Variants in SLC35F3 observed in about 807,000 individuals in gnomAD.
SLC35F3 encodes the protein solute carrier family 35 member F3, also known as putative thiamine transporter SLC35F3.
SLC35F3 carries 25 observed loss-of-function variants against 49.9 expected under a neutral mutation model. That is an observed-to-expected ratio of 0.50 (90% CI 0.37 to 0.70). The LOEUF is 0.70. SLC35F3 is among the 30% of genes least tolerant of loss of function. The pLI, the probability that SLC35F3 is intolerant of heterozygous loss-of-function variation, is 0.00. For missense variants in SLC35F3, 525 were observed against 639.8 expected (o/e 0.82, Z 1.94); for synonymous variants, 275 against 265.4 (o/e 1.04, Z -0.35).
In SLC35F3 at chr1:234,300,212, TG is replaced by T. The variant is rs368064063; in HGVS notation, c.609-8884del. Among the ~76,000 whole-genome samples, 723 of 152,304 alleles carry T rather than the reference TG, an allele frequency of 4.7e-3. 6 individuals are homozygous for T. The highest frequency in any genetic ancestry group is 0.015 in the African/African-American group (637 of 41,548). ...CTGACGAACAGAAACGCAGTGCTAC[TG>T]GGGGAAAACTAGTCAAGATTTGTAA... On this transcript the variant is annotated intron_variant, in intron 3 of 7. Transcript: ENST00000366618.
Position 233,904,950 on chromosome 1 carries a change from C to A in SLC35F3, c.-128C>A. ...GCGCGCACAAAGCGGCCCGGGGCGG[C>A]CGGCGCGGCGCAGACCCTCGGTGGG... On this transcript the variant is annotated 5_prime_UTR_variant, in exon 1 of 8. Transcript: ENST00000366618. The A allele has an allele frequency of 1.9e-6, 2 of 1,074,976 alleles. No individual in the cohort carries two copies. Among genetic ancestry groups the A allele is most frequent in the Non-Finnish European group, 2.6e-6 (2 of 778,594 alleles). 66.6% of individuals were successfully genotyped at this position (1,074,976 alleles called of 1,614,324 possible).
chr1:234,143,487 A>G (rs1386583162), intron 2 of SLC35F3, among the ~76,000 whole-genome samples: 1 of 151,704 alleles, frequency 6.6e-6, no homozygotes, highest in Non-Finnish European at 1.5e-5. Flanking sequence ...ACGGGGATTC[A>G]CCAAATTGGC....
intron 2 of SLC35F3, among the ~76,000 whole-genome samples, chr1:234,147,835 G>A (rs1666020510): frequency 6.6e-6 from 1 of 152,170 alleles, no homozygotes; most frequent in Non-Finnish European, 1.5e-5. Flanking sequence ...ACAGAGTGCT[G>A]GGTTCCACCC....
At chr1:234,160,467 A>G (rs1179358808) in intron 2 of SLC35F3, among the ~76,000 whole-genome samples, 1 of 152,180 alleles carries the variant, frequency 6.6e-6, no homozygotes, top group Non-Finnish European at 1.5e-5. Flanking sequence ...ACCTCTGTCC[A>G]GGGAGAACCT....
chr1:233,934,574 T>G (rs1662294912), intron 2 of SLC35F3, among the ~76,000 whole-genome samples: 1 of 152,182 alleles, frequency 6.6e-6, no homozygotes, highest in Non-Finnish European at 1.5e-5. Flanking sequence ...ATACACTTCT[T>G]GTTGAAGTAA....
Position 234,214,601 on chromosome 1 carries a change from G to A in SLC35F3, c.284-16816G>A. 13 of 1,521,420 alleles carry A rather than the reference G, an allele frequency of 8.5e-6. No homozygotes were observed. The highest frequency in any genetic ancestry group is 1.1e-5 in the Non-Finnish European group (13 of 1,134,728). 94.2% of individuals were successfully genotyped at this position (1,521,420 alleles called of 1,614,324 possible). On this transcript the variant is annotated intron_variant, in intron 2 of 7. Transcript: ENST00000366618. This position sits in a 1 kb window ranked among gnomAD's most constrained non-coding sequence, Gnocchi z 8.0. The stretch of plus-strand genomic sequence containing the variant: ...TAATGCGCGGCCGCCTCGCCCCGGG[G>A]GTCCCTGCACCCTAGCCGGGGAATG...
intron 2 of SLC35F3, among the ~76,000 whole-genome samples, chr1:234,066,834 A>T (rs879647062): frequency 0.31 from 11,787 of 37,480 alleles, 850 homozygotes; most frequent in East Asian, 0.48. Context: ...TCTCTCCCAC[A>T]CACACACACA....
intron 2 of SLC35F3, among the ~76,000 whole-genome samples, chr1:234,219,420 T>C (rs542622456): frequency 1.3e-5 from 2 of 152,202 alleles, no homozygotes; most frequent in Admixed American, 1.3e-4. Context: ...CATGTAGTGA[T>C]CAAATATTTT....
intron 2 of SLC35F3, among the ~76,000 whole-genome samples, chr1:234,142,470 T>C (rs1442673952): frequency 6.6e-6 from 1 of 152,168 alleles, no homozygotes; most frequent in Non-Finnish European, 1.5e-5. Context: ...AGTGAATGAC[T>C]GAGACCTCTG....
chr1:233,929,386 G>A (rs1662207842), intron 2 of SLC35F3, among the ~76,000 whole-genome samples: 2 of 152,122 alleles, frequency 1.3e-5, no homozygotes, highest in Admixed American at 1.3e-4. Flanking sequence ...CTTAGGAAAT[G>A]TACTACTCTG....
At chr1:234,097,132 G>A (rs1298939753) in intron 2 of SLC35F3, among the ~76,000 whole-genome samples, 1 of 151,982 alleles carries the variant, frequency 6.6e-6, no homozygotes, top group Non-Finnish European at 1.5e-5. Flanking sequence ...CAGGTGATCT[G>A]CCCACCTCAG....
At chr1:234,311,352 G>A (rs7542114) in intron 4 of SLC35F3, among the ~76,000 whole-genome samples, 35,418 of 152,122 alleles carry the variant, frequency 0.23, 4,683 homozygotes, top group Middle Eastern at 0.37. Flanking sequence ...GCATGGGACC[G>A]CTCAGACTTC....
At chr1:234,309,034 T>A in intron 3 of SLC35F3, 67 bp from the exon 4 acceptor site, 2 of 1,312,270 alleles carry the variant, frequency 1.5e-6, no homozygotes, top group Non-Finnish European at 1.1e-6. Context: ...AAAAACTTGC[T>A]ATAGGAAATA....
At chr1:234,005,799 G>A (rs1205550040) in intron 2 of SLC35F3, among the ~76,000 whole-genome samples, 2 of 152,146 alleles carry the variant, frequency 1.3e-5, no homozygotes, top group Non-Finnish European at 2.9e-5. Flanking sequence ...TTGAGACAGA[G>A]GTCACTAAAT....
At chr1:234,229,143 A>G (rs985662396) in intron 2 of SLC35F3, among the ~76,000 whole-genome samples, 1 of 152,206 alleles carries the variant, frequency 6.6e-6, no homozygotes, top group African/African-American at 2.4e-5. Flanking sequence ...AAAATTCACA[A>G]TATCCATTGA....
At chr1:234,302,052 G>A (rs1668701067) in intron 3 of SLC35F3, among the ~76,000 whole-genome samples, 1 of 152,146 alleles carries the variant, frequency 6.6e-6, no homozygotes, top group African/African-American at 2.4e-5. Context: ...GATGAGGGAT[G>A]AGGGAAGGGA....
intron 2 of SLC35F3, among the ~76,000 whole-genome samples, chr1:234,197,891 A>G (rs141580229): frequency 6.6e-6 from 1 of 152,396 alleles, no homozygotes; most frequent in African/African-American, 2.4e-5. Context: ...CAAGAAAAAC[A>G]GAAACACCTG....
At chr1:233,998,391 A>G (rs1477474169) in intron 2 of SLC35F3, among the ~76,000 whole-genome samples, 1 of 151,840 alleles carries the variant, frequency 6.6e-6, no homozygotes, top group Middle Eastern at 3.2e-3. Context: ...CGGGGCAAAA[A>G]TCATGTCGGA....
chr1:234,180,335 C>T (rs1426076094), intron 2 of SLC35F3, among the ~76,000 whole-genome samples: 1 of 152,184 alleles, frequency 6.6e-6, no homozygotes, highest in East Asian at 1.9e-4. Flanking sequence ...GAAATAGGGA[C>T]AGAGGGATGG....
Sources: allele counts gnomAD v4.1 joint callset (sites outside exome capture counted in the v4.1 genomes callset), GRCh38; gene constraint gnomAD v4.1.1; non-coding constraint Gnocchi (gnomAD v3.1); transcripts MANE v1.5; gene names NCBI Gene and HGNC (gene_info 2026-07-23, HGNC 2026-07-21).